The following ST8SIA6 variants were observed in gnomAD, a reference collection of about 807,000 sequenced individuals.
ST8SIA6 encodes alpha-2,8-sialyltransferase 8F.
Under a neutral mutation model 33.6 loss-of-function variants are expected in ST8SIA6, and 39 were observed. The ratio of observed to expected loss-of-function variants is 1.16; its 90% CI spans 0.90 to 1.52. The LOEUF (loss-of-function observed/expected upper bound fraction) is 1.52, where lower values mean the gene tolerates loss of function less well. ST8SIA6 is among the 40% of genes most tolerant of loss of function. The probability of loss-of-function intolerance (pLI) is 0.00; values close to 1 mark genes in which losing one functional copy is unlikely to be tolerated. For synonymous variants in ST8SIA6, 172 were observed against 167.2 expected (o/e 1.03, Z -0.22); for missense variants, 441 against 443.8 (o/e 0.99, Z 0.06).
chr10:17,391,748 TC>T (rs1850622164), intron 2 of ST8SIA6, among the ~76,000 whole-genome samples: 1 of 152,034 alleles, frequency 6.6e-6, no homozygotes, highest in African/African-American at 2.4e-5. Flanking sequence ...AAATCTGAAG[TC>T]AGGTTAAGGA....
At chr10:17,323,247 A>G (rs992540825) in intron 6 of ST8SIA6, 90 bp from the exon 7 acceptor site, 2 of 743,274 alleles carry the variant, frequency 2.7e-6, no homozygotes, top group Non-Finnish European at 4.4e-6. Flanking sequence ...ACACACACAC[A>G]CACCTATCTA....
intron 2 of ST8SIA6, among the ~76,000 whole-genome samples, chr10:17,398,495 C>T (rs1423536048): frequency 6.6e-6 from 1 of 152,104 alleles, no homozygotes; most frequent in African/African-American, 2.4e-5. Flanking sequence ...GTAATTAATA[C>T]AATCATGCAA....
At chr10:17,324,987 G>T (rs1848078937) in intron 6 of ST8SIA6, among the ~76,000 whole-genome samples, 1 of 141,608 alleles carries the variant, frequency 7.1e-6, no homozygotes, top group Non-Finnish European at 1.5e-5. Context: ...TATATAATAT[G>T]TATACATATT....
At chr10:17,442,008 A>G (rs1486423251) in intron 2 of ST8SIA6, among the ~76,000 whole-genome samples, 1 of 151,934 alleles carries the variant, frequency 6.6e-6, no homozygotes, top group Admixed American at 6.6e-5. Flanking sequence ...AGCTGGGATT[A>G]CAGGTGCCTG....
At chr10:17,444,480 C>T (rs1426012725) in intron 2 of ST8SIA6, among the ~76,000 whole-genome samples, 1 of 152,172 alleles carries the variant, frequency 6.6e-6, no homozygotes, top group African/African-American at 2.4e-5. Context: ...TCTTCATGAA[C>T]TGCTGCCCTG....
chr10:17,419,548 C>T (rs1014193204), intron 2 of ST8SIA6, among the ~76,000 whole-genome samples: 10 of 143,002 alleles, frequency 7.0e-5, no homozygotes, highest in Admixed American at 6.9e-5. Context: ...CAAACAAAAA[C>T]AAAAAAACAA....
rs1847800513 is a variant in ST8SIA6, at chr10:17,317,188, T to G, written c.*3690A>C. On this transcript the variant is annotated 3_prime_UTR_variant, in exon 8 of 8. Transcript: ENST00000377602. ...AGTGAGCCAATGTTTCAATATTATC[T>G]GCTAAAGAGTTTGCCCTGTCTCCAT... Among the ~76,000 whole-genome samples the G allele has an allele frequency of 6.6e-6, 1 of 152,350 alleles. No homozygotes were observed. Among genetic ancestry groups the G allele is most frequent in the South Asian group, 2.1e-4 (1 of 4,824 alleles).
intron 2 of ST8SIA6, among the ~76,000 whole-genome samples, chr10:17,444,669 C>T (rs1852636523): frequency 6.6e-6 from 1 of 152,154 alleles, no homozygotes; most frequent in African/African-American, 2.4e-5. Flanking sequence ...CACCTGATAG[C>T]TTTTCCAGAG....
chr10:17,368,315 G>A (rs886856931), intron 3 of ST8SIA6, among the ~76,000 whole-genome samples: 6 of 142,136 alleles, frequency 4.2e-5, no homozygotes, highest in Non-Finnish European at 7.5e-5. Context: ...GCTGAGGCAG[G>A]AGAATTGCTT....
intron 3 of ST8SIA6, among the ~76,000 whole-genome samples, chr10:17,389,149 C>A (rs1850487334): frequency 6.6e-6 from 1 of 152,142 alleles, no homozygotes; most frequent in Non-Finnish European, 1.5e-5. Context: ...CATCAGCACT[C>A]CCCACTGCCC....
intron 2 of ST8SIA6, among the ~76,000 whole-genome samples, chr10:17,448,455 T>C (rs1350648311): frequency 2.6e-5 from 4 of 152,180 alleles, no homozygotes; most frequent in Non-Finnish European, 4.4e-5. Flanking sequence ...AGCCAAGACA[T>C]GGATGTTCCC....
Position 17,318,790 on chromosome 10 carries a change from C to G in ST8SIA6, c.*2088G>C, listed in dbSNP as rs139595654. 1.1e-5 allele frequency: 5 copies of G among 455,430 alleles called. No homozygotes were observed. The highest frequency in any genetic ancestry group is 4.0e-5 in the African/African-American group (2 of 49,414). The allele number at this position is 455,430 out of a possible 1,614,324, so 28.2% of individuals were successfully genotyped here. ...ACAGAACAAAAAGAACTGTGACTTA[C>G]GTTTTACAGTTTACATAGCTGACAT... is the stretch of plus-strand genomic sequence containing the variant. On this transcript the variant is annotated 3_prime_UTR_variant, in exon 8 of 8. Coordinates refer to ENST00000377602, the MANE Select transcript of ST8SIA6 (RefSeq NM_001004470.3).
At chr10:17,440,605 T>C (rs1186562105) in intron 2 of ST8SIA6, among the ~76,000 whole-genome samples, 1 of 152,170 alleles carries the variant, frequency 6.6e-6, no homozygotes, top group Non-Finnish European at 1.5e-5. Flanking sequence ...TCCTGTGCAC[T>C]ACACCGGCTA....
chr10:17,428,140 T>A (rs191746576), intron 2 of ST8SIA6, among the ~76,000 whole-genome samples: 3 of 152,234 alleles, frequency 2.0e-5, no homozygotes, highest in Admixed American at 6.5e-5. Context: ...TCTCCCTCAA[T>A]GCCCATTTCT....
At chr10:17,362,876 T>C (rs911855228) in intron 3 of ST8SIA6, among the ~76,000 whole-genome samples, 1 of 151,990 alleles carries the variant, frequency 6.6e-6, no homozygotes, top group African/African-American at 2.4e-5. Flanking sequence ...CATGTCCGGC[T>C]AATTTTTGTA....
At chr10:17,361,037 G>A (rs1849369773) in intron 3 of ST8SIA6, among the ~76,000 whole-genome samples, 2 of 152,030 alleles carry the variant, frequency 1.3e-5, no homozygotes, top group Admixed American at 6.5e-5. Context: ...AGCATATTTT[G>A]TATAAATAAG....
chr10:17,450,838 C>A (rs948011780), intron 2 of ST8SIA6, among the ~76,000 whole-genome samples: 2 of 152,172 alleles, frequency 1.3e-5, no homozygotes, highest in Non-Finnish European at 2.9e-5. Flanking sequence ...CAGAAAGAGT[C>A]TCTTCAATTG....
At chr10:17,350,629 G>A (rs192486795) in intron 4 of ST8SIA6, among the ~76,000 whole-genome samples, 44 of 150,918 alleles carry the variant, frequency 2.9e-4, no homozygotes, top group African/African-American at 1.0e-3. Context: ...GGAAAATTAA[G>A]AGCTTCAAAT....
chr10:17,326,371 G>C (rs559231017), intron 6 of ST8SIA6, among the ~76,000 whole-genome samples: 1 of 152,110 alleles, frequency 6.6e-6, no homozygotes, highest in Non-Finnish European at 1.5e-5. Flanking sequence ...ATTACACTGA[G>C]ACAGTGGAGA....
Sources: gnomAD v4.1 joint callset for allele counts (sites outside exome capture counted in the v4.1 genomes callset) on GRCh38, gnomAD v4.1.1 for gene constraint, MANE v1.5 for transcripts, NCBI Gene and HGNC (gene_info 2026-07-23, HGNC 2026-07-21) for gene names.